The following CNTNAP5 variants were observed in gnomAD, a reference collection of about 807,000 sequenced individuals.
CNTNAP5 encodes contactin-associated protein-like 5.
Under a neutral mutation model 150.2 loss-of-function variants are expected in CNTNAP5, and 72 were observed. The observed-to-expected ratio is 0.48, with a 90% CI of 0.40 to 0.58. CNTNAP5 has a LOEUF of 0.58. Ranked by LOEUF, CNTNAP5 falls within the 20% of genes least tolerant of loss-of-function variation. CNTNAP5 has a pLI of 0.00. For missense variants in CNTNAP5, 1,636 were observed against 1,626.2 expected (o/e 1.01, Z -0.10); for synonymous variants, 672 against 619.8 (o/e 1.08, Z -1.25).
At chr2:124,202,810 A>T (rs549290814) in intron 1 of CNTNAP5, among the ~76,000 whole-genome samples, 3 of 152,224 alleles carry the variant, frequency 2.0e-5, no homozygotes, top group African/African-American at 7.2e-5. Context: ...CACCCCCATG[A>T]TTCAATTACC....
intron 8 of CNTNAP5, among the ~76,000 whole-genome samples, chr2:124,518,950 C>G (rs1215494861): frequency 1.5e-5 from 2 of 136,704 alleles, no homozygotes; most frequent in Non-Finnish European, 3.0e-5. Context: ...GATCATGCCA[C>G]TGTACTTTAG....
In CNTNAP5 at chr2:124,627,678, C is replaced by T. The variant is rs201207870; in HGVS notation, c.1876+17758C>T. ...CCTCTTCTCCTCCAAATGATTGCAA[C>T]GTCTCCAGCAAGGTCACAGAACGGA... On this transcript the variant is annotated intron_variant, in intron 12 of 23. Transcript: ENST00000682447. Among the ~76,000 whole-genome samples, 10 of 152,250 alleles carry T rather than the reference C, an allele frequency of 6.6e-5. No individual in the cohort carries two copies. The South Asian group carries it at 1.2e-3, about 19-fold the overall frequency.
At chr2:124,271,660 TC>T (rs1392129219) in intron 3 of CNTNAP5, among the ~76,000 whole-genome samples, 3 of 121,854 alleles carry the variant, frequency 2.5e-5, no homozygotes, top group African/African-American at 1.1e-4. Flanking sequence ...TTTTTTTTAA[TC>T]TATCTATCTA....
chr2:124,668,133 G>A (rs1322887625), intron 13 of CNTNAP5, among the ~76,000 whole-genome samples: 1 of 152,172 alleles, frequency 6.6e-6, no homozygotes, highest in African/African-American at 2.4e-5. Flanking sequence ...AGGCTGTCTG[G>A]TATCAGGCTC....
At chr2:124,810,070 T>A (rs1004235862) in intron 19 of CNTNAP5, among the ~76,000 whole-genome samples, 5 of 152,212 alleles carry the variant, frequency 3.3e-5, no homozygotes, top group African/African-American at 1.2e-4. Context: ...TTTAGTCAAA[T>A]TATCAGTCAT....
chr2:124,087,843 T>C (rs1417718140), intron 1 of CNTNAP5, among the ~76,000 whole-genome samples: 2 of 149,232 alleles, frequency 1.3e-5, no homozygotes, highest in Non-Finnish European at 2.9e-5. Flanking sequence ...GTTTTCATTA[T>C]GGGTAAGATG....
At chr2:124,109,024 T>A (rs1284304935) in intron 1 of CNTNAP5, among the ~76,000 whole-genome samples, 1 of 152,034 alleles carries the variant, frequency 6.6e-6, no homozygotes, top group Admixed American at 6.6e-5. Context: ...GGAGCATACA[T>A]CCTGGGAGCA....
chr2:124,496,873 C>T (rs1481061833), intron 7 of CNTNAP5, among the ~76,000 whole-genome samples: 1 of 152,196 alleles, frequency 6.6e-6, no homozygotes, highest in East Asian at 1.9e-4. Context: ...CCTTAGTCAC[C>T]TGATTGGATT....
At chr2:124,821,535 C>G (rs1464530680) in intron 19 of CNTNAP5, among the ~76,000 whole-genome samples, 1 of 152,206 alleles carries the variant, frequency 6.6e-6, no homozygotes, top group Non-Finnish European at 1.5e-5. Context: ...TGGGACCACA[C>G]TTTGAAAACC....
intron 1 of CNTNAP5, among the ~76,000 whole-genome samples, chr2:124,043,704 G>A (rs1159013872): frequency 6.6e-6 from 1 of 151,996 alleles, no homozygotes; most frequent in Non-Finnish European, 1.5e-5. Flanking sequence ...AAGGAATCCT[G>A]GGTGGGAGAG....
At chr2:124,085,171 C>T (rs890599487) in intron 1 of CNTNAP5, among the ~76,000 whole-genome samples, 4 of 152,184 alleles carry the variant, frequency 2.6e-5, no homozygotes, top group East Asian at 3.9e-4. Context: ...CCACCTGCCT[C>T]GGCCTCTCAA....
At chr2:124,446,542 T>C (rs1402965102) in intron 5 of CNTNAP5, among the ~76,000 whole-genome samples, 2 of 152,172 alleles carry the variant, frequency 1.3e-5, no homozygotes, top group Non-Finnish European at 2.9e-5. Flanking sequence ...CCCTATTTTG[T>C]CTGGAAGGAG....
intron 14 of CNTNAP5, among the ~76,000 whole-genome samples, chr2:124,762,062 G>T (rs865970778): frequency 2.4e-4 from 36 of 151,974 alleles, no homozygotes; most frequent in Non-Finnish European, 5.1e-4. Context: ...ATTCCACTTC[G>T]GCTGTTTGGA....
At chr2:124,236,673 G>T (rs1293268780) in intron 2 of CNTNAP5, among the ~76,000 whole-genome samples, 1 of 152,172 alleles carries the variant, frequency 6.6e-6, no homozygotes, top group Admixed American at 6.5e-5. Context: ...TAAAGATGTG[G>T]CTAGTGATTC....
chr2:124,195,365 C>A (rs184491962), intron 1 of CNTNAP5, among the ~76,000 whole-genome samples: 1 of 152,150 alleles, frequency 6.6e-6, no homozygotes, highest in Admixed American at 6.5e-5. Flanking sequence ...ATGCAGTGAA[C>A]CCCCTTGCGC....
At chr2:124,862,809 T>C (rs60413051) in intron 19 of CNTNAP5, among the ~76,000 whole-genome samples, 7,718 of 152,278 alleles carry the variant, frequency 0.051, 627 homozygotes, top group African/African-American at 0.17. Context: ...AAGAGTCATG[T>C]GAAATGAGTT....
chr2:124,465,445 G>A (rs1475197017), intron 6 of CNTNAP5, among the ~76,000 whole-genome samples: 2 of 152,168 alleles, frequency 1.3e-5, no homozygotes, highest in African/African-American at 4.8e-5. Context: ...GACCAAGCAA[G>A]CAAGAAAAGT....
At chr2:124,257,714 A>G (rs1687347249) in intron 3 of CNTNAP5, among the ~76,000 whole-genome samples, 1 of 151,956 alleles carries the variant, frequency 6.6e-6, no homozygotes, top group South Asian at 2.1e-4. Context: ...ATTTGGTTAT[A>G]ATCCACCCCC....
chr2:124,501,991 G>C (rs1321828542), intron 7 of CNTNAP5, among the ~76,000 whole-genome samples: 4 of 152,174 alleles, frequency 2.6e-5, no homozygotes, highest in African/African-American at 9.7e-5. Context: ...AGGGAAGTGT[G>C]AAGGGAATCG....
Sources: gnomAD v4.1 joint callset for allele counts (sites outside exome capture counted in the v4.1 genomes callset) on GRCh38, gnomAD v4.1.1 for gene constraint, MANE v1.5 for transcripts, NCBI Gene and HGNC (gene_info 2026-07-23, HGNC 2026-07-21) for gene names.